Variants in DYM observed in about 807,000 individuals in gnomAD.
The protein encoded by DYM is dymeclin.
DYM carries 78 observed loss-of-function variants against 93.1 expected under a neutral mutation model. The ratio of observed to expected loss-of-function variants is 0.84; its 90% CI spans 0.70 to 1.01. DYM has a LOEUF of 1.01. DYM is among the 50% of genes least tolerant of loss of function. The pLI is 0.00. For synonymous variants in DYM, 321 were observed against 319.7 expected (o/e 1.00, Z -0.04); for missense variants, 789 against 845.0 (o/e 0.93, Z 0.82).
intron 13 of DYM, among the ~76,000 whole-genome samples, chr18:49,252,546 T>G (rs1172219532): frequency 6.6e-6 from 1 of 152,156 alleles, no homozygotes; most frequent in African/African-American, 2.4e-5. Context: ...AGGATTACAA[T>G]TCAAGATGAG....
intron 16 of DYM, among the ~76,000 whole-genome samples, chr18:49,102,166 C>T (rs1435798808): frequency 6.6e-6 from 1 of 152,218 alleles, no homozygotes; most frequent in Admixed American, 6.5e-5. Flanking sequence ...GGTACTGATA[C>T]ACACCTAATA....
chr18:49,242,730 AGCTCAGTT>A (rs2094051089), intron 13 of DYM, among the ~76,000 whole-genome samples: 1 of 152,168 alleles, frequency 6.6e-6, no homozygotes. Context: ...GACGGAGTCT[AGCTCAGTT>A]GCTCAGGCTG....
At chr18:49,446,670 G>T (rs2082115260) in intron 1 of DYM, among the ~76,000 whole-genome samples, 1 of 152,164 alleles carries the variant, frequency 6.6e-6, no homozygotes, top group Non-Finnish European at 1.5e-5. Context: ...GTGAAGAAGG[G>T]AATGATATAC....
intron 13 of DYM, among the ~76,000 whole-genome samples, chr18:49,245,580 G>A (rs973892360): frequency 6.6e-6 from 1 of 152,150 alleles, no homozygotes; most frequent in Admixed American, 6.5e-5. Flanking sequence ...TTCCAGCCTG[G>A]TAAATTCTAA....
At chr18:49,099,018 G>T (rs1485188185) in intron 16 of DYM, among the ~76,000 whole-genome samples, 3 of 152,068 alleles carry the variant, frequency 2.0e-5, no homozygotes, top group Non-Finnish European at 2.9e-5. Flanking sequence ...TGCCAATTTT[G>T]TTGGTAAAAA....
chr18:49,393,096 GGAAGGAAGGAAGGAAGGAAGGAA>G (rs2069566066), intron 2 of DYM, among the ~76,000 whole-genome samples: 4,113 of 13,646 alleles, frequency 0.3, 608 homozygotes, highest in Admixed American at 0.51. Flanking sequence ...AGGGAGGGAA[GGAAGGAAGGAAGGAAGGAAGGAA>G]GGAAGGAAGG....
chr18:49,264,773 T>C (rs1450888363), intron 11 of DYM, among the ~76,000 whole-genome samples: 2 of 152,188 alleles, frequency 1.3e-5, no homozygotes, highest in Admixed American at 6.5e-5. Flanking sequence ...GACATGGTAA[T>C]AGGTAGAAAT....
chr18:49,090,267 T>C (rs1348085192), intron 17 of DYM, among the ~76,000 whole-genome samples: 1 of 152,100 alleles, frequency 6.6e-6, no homozygotes, highest in African/African-American at 2.4e-5. Context: ...AGAGAACATT[T>C]TGGGCCCGGT....
intron 8 of DYM, among the ~76,000 whole-genome samples, chr18:49,317,435 C>T (rs941166829): frequency 6.6e-6 from 1 of 151,960 alleles, no homozygotes; most frequent in East Asian, 1.9e-4. Context: ...GTAGAGAAGG[C>T]ATCTGAAATG....
Position 49,376,431 on chromosome 18 carries a change from C to T in DYM, c.421+2136G>A, listed in dbSNP as rs185761274. ...CACATAAACAGAAAACAAAAGATTG[C>T]TGATATCTTGCTCAAGCACAAACTA... On this transcript the variant is annotated intron_variant, in intron 5 of 17. Coordinates refer to ENST00000675505, the MANE Select transcript of DYM (RefSeq NM_001353214.3). 1.3e-3 allele frequency among the ~76,000 whole-genome samples: 203 copies of T among 152,312 alleles called. 1 individual carries two copies. Among genetic ancestry groups the T allele is most frequent in the African/African-American group, 4.5e-3 (188 of 41,582 alleles).
intron 13 of DYM, among the ~76,000 whole-genome samples, chr18:49,253,501 G>T (rs953596661): frequency 6.6e-6 from 1 of 152,130 alleles, no homozygotes; most frequent in Non-Finnish European, 1.5e-5. Context: ...AAACTCAAAA[G>T]TGTTTTCTAA....
At chr18:49,269,865 G>A (rs1316189933) in intron 11 of DYM, among the ~76,000 whole-genome samples, 1 of 152,110 alleles carries the variant, frequency 6.6e-6, no homozygotes, top group Non-Finnish European at 1.5e-5. Context: ...TAATGTCTTG[G>A]TCCTTCACAT....
chr18:49,390,519 G>T lies in DYM; in HGVS notation c.193+1074C>A, dbSNP rs539973975. 1.8e-3 allele frequency among the ~76,000 whole-genome samples: 268 copies of T among 150,326 alleles called. 1 individual carries two copies. The highest frequency in any genetic ancestry group is 3.4e-3 in the Middle Eastern group (1 of 294). ...ATACAGCTCGATTTTTTTTTTTAATGTTTTTTGAGACAGAGTCTCGCTCTG... is the reference window on the plus strand; with the variant it reads ...ATACAGCTCGATTTTTTTTTTTAATTTTTTTTGAGACAGAGTCTCGCTCTG... On this transcript the variant is annotated intron_variant, in intron 3 of 17. Transcript: ENST00000675505.
At chr18:49,412,204 T>C (rs1160554957) in intron 2 of DYM, among the ~76,000 whole-genome samples, 1 of 150,336 alleles carries the variant, frequency 6.7e-6, no homozygotes, top group African/African-American at 2.4e-5. Context: ...AATACGGTGT[T>C]TATTTTCCCA....
intron 8 of DYM, among the ~76,000 whole-genome samples, chr18:49,292,355 G>GGCAGGCAGAC (rs2060188355): frequency 1.2e-5 from 1 of 84,704 alleles, no homozygotes; most frequent in East Asian, 3.4e-4. Flanking sequence ...CAGACAGACA[G>GGCAGGCAGAC]ACACACACAC....
chr18:49,063,619 CTTTTTTTTTT>C lies in DYM; in HGVS notation c.2026-19425_2026-19416del, dbSNP rs67482709. ...GGTAGTAATTTCTTTCTTTCTCTCT[CTTTTTTTTTT>C]TTTTTTTTTTTTTTTAGACAGAGTT... On this transcript the variant is annotated intron_variant, in intron 17 of 17. Coordinates refer to ENST00000675505, the MANE Select transcript of DYM (RefSeq NM_001353214.3). Among the ~76,000 whole-genome samples, 34 of 71,986 alleles carry C rather than the reference CTTTTTTTTTT, an allele frequency of 4.7e-4. No individual in the cohort carries two copies. In the East Asian group the frequency reaches 4.9e-3, roughly 10 times the overall value. The allele number at this position is 71,986 out of a possible 152,430, so 47.2% of individuals were successfully genotyped here. A position where few individuals can be genotyped will look rare whatever the true frequency, so the allele number is the denominator to read the frequency against.
intron 1 of DYM, among the ~76,000 whole-genome samples, chr18:49,438,327 C>A (rs1436522223): frequency 6.6e-6 from 1 of 152,076 alleles, no homozygotes; most frequent in South Asian, 2.1e-4. Context: ...AGTACAGTGC[C>A]TCCTTCCCCG....
chr18:49,258,672 T>C (rs756393119), intron 11 of DYM, among the ~76,000 whole-genome samples, 179 bp from the exon 12 acceptor site: 4 of 152,036 alleles, frequency 2.6e-5, no homozygotes, highest in Non-Finnish European at 5.9e-5. Flanking sequence ...TGCTCTGCCA[T>C]GGCTGTGGAG....
At chr18:49,047,901 G>A (rs1232316143) in intron 17 of DYM, among the ~76,000 whole-genome samples, 2 of 152,110 alleles carry the variant, frequency 1.3e-5, no homozygotes, top group African/African-American at 2.4e-5. Flanking sequence ...AAGCTCCCAC[G>A]GCATCCTGGT....
Sources: allele counts gnomAD v4.1 joint callset (sites outside exome capture counted in the v4.1 genomes callset), GRCh38; gene constraint gnomAD v4.1.1; transcripts MANE v1.5; gene names NCBI Gene and HGNC (gene_info 2026-07-23, HGNC 2026-07-21).